CPS1: variants seen among roughly 807,000 people sequenced by gnomAD.
The protein encoded by CPS1 is carbamoyl-phosphate synthase [ammonia], mitochondrial.
Under a neutral mutation model 174.6 loss-of-function variants are expected in CPS1, and 109 were observed. The ratio of observed to expected loss-of-function variants is 0.62; its 90% confidence interval spans 0.53 to 0.73. The LOEUF is 0.73. Ranked by LOEUF, CPS1 falls within the 30% of genes least tolerant of loss-of-function variation. The probability of loss-of-function intolerance (pLI) is 0.00; values close to 1 mark genes in which losing one functional copy is unlikely to be tolerated. For synonymous variants in CPS1, 637 were observed against 632.0 expected (o/e 1.01, Z -0.12); for missense variants, 1,689 against 1,821.9 (o/e 0.93, Z 1.33).
rs542652368 is a variant in CPS1 at position 210,563,507 on chromosome 2, A to G, written c.126+6648A>G. Among the ~76,000 whole-genome samples the G allele has an allele frequency of 2.2e-4, 34 of 152,246 alleles. 1 individual carries two copies. The South Asian group carries it at 3.5e-3, about 16-fold the overall frequency. ...TTCCTCTTATAGTCCTGTAAGCTCCACATATACAAAAGCCTAATGCAATTT... is the reference window on the plus strand; with the variant it reads ...TTCCTCTTATAGTCCTGTAAGCTCCGCATATACAAAAGCCTAATGCAATTT... On this transcript the variant is annotated intron_variant, in intron 1 of 37. Transcript: ENST00000233072.
At chr2:210,592,694 G>A (rs1463858500) in intron 10 of CPS1, among the ~76,000 whole-genome samples, 185 bp from the exon 11 acceptor site, 1 of 151,792 alleles carries the variant, frequency 6.6e-6, no homozygotes, top group African/African-American at 2.4e-5. Context: ...TAATCAAAAA[G>A]GTCAGATATG....
Position 210,523,498 on chromosome 2 carries a change from C to T in CPS1, c.4-33221C>T, listed in dbSNP as rs1032246916. Among the ~76,000 whole-genome samples, 5 of 151,794 alleles carry T rather than the reference C, an allele frequency of 3.3e-5. 1 individual carries two copies. Among genetic ancestry groups the T allele is most frequent in the Non-Finnish European group, 7.4e-5 (5 of 67,930 alleles). ...TTCTCCTCTCTCACCTCCTTCCTAC[C>T]CTCCCACCTTTCCGAGTCTCCAGTG... is the stretch of plus-strand genomic sequence containing the variant. On this transcript the variant is annotated intron_variant, in intron 1 of 38. Transcript: ENST00000430249.
At position 210,645,643 on chromosome 2, in the gene CPS1, C is replaced by T. The variant is rs558172589; in HGVS notation, c.3142-2220C>T. On this transcript the variant is annotated intron_variant, in intron 25 of 37. Transcript: ENST00000233072. ...CTAAAAATAAAAAAAATTAGCTGGG[C>T]GTGGTGGTGCATGCCTGTAATCCCA... is the stretch of plus-strand genomic sequence containing the variant. Among the ~76,000 whole-genome samples the T allele has an allele frequency of 2.2e-3, 330 of 152,064 alleles. 3 individuals carry two copies. The highest frequency in any genetic ancestry group is 4.0e-4 in the Non-Finnish European group (27 of 67,996).
At chr2:210,633,410 A>G (rs766726335) in intron 21 of CPS1, among the ~76,000 whole-genome samples, 5 of 151,550 alleles carry the variant, frequency 3.3e-5, no homozygotes, top group Non-Finnish European at 4.4e-5. Context: ...TTCTTTGCTG[A>G]TAAGTGTTCA....
chr2:210,656,688 C>T, intron 30 of CPS1, 56 bp downstream of exon 30: 1 of 1,251,658 alleles, frequency 8.0e-7, no homozygotes, highest in South Asian at 1.3e-5. Flanking sequence ...AAAAAAACAC[C>T]TAAGGTTTTT....
chr2:210,581,475 C>A (rs181829567), intron 5 of CPS1, among the ~76,000 whole-genome samples: 1 of 151,998 alleles, frequency 6.6e-6, no homozygotes, highest in Non-Finnish European at 1.5e-5. Flanking sequence ...TTCTATTAAC[C>A]TTAATTTGAA....
At chr2:210,504,991 G>T (rs1201573259) in intron 1 of CPS1, among the ~76,000 whole-genome samples, 1 of 151,752 alleles carries the variant, frequency 6.6e-6, no homozygotes, top group East Asian at 2.0e-4. Flanking sequence ...AAGGCATTTG[G>T]GAGCTTTTTC....
At chr2:210,491,715 G>A (rs1159320260) in intron 1 of CPS1, among the ~76,000 whole-genome samples, 1 of 152,120 alleles carries the variant, frequency 6.6e-6, no homozygotes, top group Non-Finnish European at 1.5e-5. Context: ...TGGCCCCTAA[G>A]AAATGTGGGA....
chr2:210,651,460 G>C (rs1441432602), intron 28 of CPS1, among the ~76,000 whole-genome samples: 1 of 152,176 alleles, frequency 6.6e-6, no homozygotes, highest in East Asian at 1.9e-4. Context: ...CAGTGGGCCA[G>C]TTTTCACTAA....
At chr2:210,601,968 G>A (rs189659260) in intron 15 of CPS1, among the ~76,000 whole-genome samples, 35 of 151,784 alleles carry the variant, frequency 2.3e-4, no homozygotes, top group East Asian at 1.6e-3. Flanking sequence ...AAAATTTACC[G>A]CAAAAGTGTA....
At chr2:210,499,697 T>C (rs925314057) in intron 1 of CPS1, among the ~76,000 whole-genome samples, 2 of 152,114 alleles carry the variant, frequency 1.3e-5, no homozygotes, top group African/African-American at 2.4e-5. Flanking sequence ...GCTCCAGGAC[T>C]TGGGAGAAAA....
At chr2:210,482,172 G>C (rs1405291414) in intron 1 of CPS1, among the ~76,000 whole-genome samples, 1 of 152,190 alleles carries the variant, frequency 6.6e-6, no homozygotes, top group Non-Finnish European at 1.5e-5. Context: ...GTAACTCCGA[G>C]TTCGGAAGCA....
chr2:210,670,905 G>C (rs1701279662), intron 34 of CPS1, among the ~76,000 whole-genome samples: 1 of 152,178 alleles, frequency 6.6e-6, no homozygotes, highest in South Asian at 2.1e-4. Flanking sequence ...AAAGAATCAA[G>C]ATGTAGATTT....
At chr2:210,647,456 C>A (rs1472237843) in intron 25 of CPS1, among the ~76,000 whole-genome samples, 2 of 152,042 alleles carry the variant, frequency 1.3e-5, no homozygotes, top group Non-Finnish European at 2.9e-5. Flanking sequence ...CTTGCTTAAT[C>A]TGAATGTGAA....
intron 21 of CPS1, among the ~76,000 whole-genome samples, chr2:210,617,388 G>GA (rs1192834187): frequency 2.0e-5 from 3 of 151,924 alleles, no homozygotes; most frequent in Non-Finnish European, 2.9e-5. Context: ...TTTAGAGAAG[G>GA]AAAAATTTTG....
intron 31 of CPS1, among the ~76,000 whole-genome samples, chr2:210,659,698 T>A (rs1700852147): frequency 6.6e-6 from 1 of 152,132 alleles, no homozygotes; most frequent in Non-Finnish European, 1.5e-5. Flanking sequence ...AATACTGTAA[T>A]TTAGTGAAGG....
At chr2:210,676,268 A>G (rs1208443335) in intron 36 of CPS1, among the ~76,000 whole-genome samples, 1 of 152,230 alleles carries the variant, frequency 6.6e-6, no homozygotes, top group Admixed American at 6.5e-5. Flanking sequence ...GATGTCATCC[A>G]TTGGATTACC....
chr2:210,554,087 G>GTATATGTATGTATATACACATATA (rs1696804862), upstream of CPS1, among the ~76,000 whole-genome samples: 1 of 143,194 alleles, frequency 7.0e-6, no homozygotes, highest in Non-Finnish European at 1.5e-5. Context: ...ACATACATAT[G>GTATATGTATGTATATACACATATA]TATATGTATG....
chr2:210,522,111 G>A (rs1437570877), intron 1 of CPS1, among the ~76,000 whole-genome samples: 1 of 151,954 alleles, frequency 6.6e-6, no homozygotes, highest in African/African-American at 2.4e-5. Flanking sequence ...GATCTTTCCA[G>A]GTGGTTCTTT....
Sources: allele counts gnomAD v4.1 joint callset (sites outside exome capture counted in the v4.1 genomes callset), GRCh38; gene constraint gnomAD v4.1.1; transcripts MANE v1.5; gene names NCBI Gene and HGNC (gene_info 2026-07-23, HGNC 2026-07-21).